KLRG1: variants seen among roughly 807,000 people sequenced by gnomAD.
The protein encoded by KLRG1 is killer cell lectin like receptor G1.
A neutral mutation model predicts 21.8 loss-of-function variants in KLRG1; 16 were observed. The ratio of observed to expected loss-of-function variants is 0.73; its 90% CI spans 0.50 to 1.11. The LOEUF is 1.11. Ranked by LOEUF, KLRG1 falls within the 50% of genes most tolerant of loss-of-function variation. The probability of loss-of-function intolerance (pLI) is 0.00; values close to 1 mark genes in which losing one functional copy is unlikely to be tolerated. For synonymous variants in KLRG1, 69 were observed against 75.9 expected, an observed-to-expected ratio of 0.91 and a Z score of 0.47; for missense variants, 173 against 218.3, an observed-to-expected ratio of 0.79 and a Z score of 1.31.
At chr12:9,079,042 T>C in the KLRG1 span, among the ~76,000 whole-genome samples, 44,159 of 151,782 alleles carry the variant, frequency 0.29, 7,079 homozygotes, top group Admixed American at 0.35. Context: ...AGGATCCATT[T>C]TGGAAACAAG....
the KLRG1 span, among the ~76,000 whole-genome samples, chr12:9,137,699 A>G: frequency 4.6e-5 from 7 of 152,020 alleles, no homozygotes; most frequent in African/African-American, 1.4e-4. Context: ...AATTTCTTTC[A>G]TCAATGTTTT....
At chr12:8,998,625 G>C (rs989836392) in intron 3 of KLRG1, among the ~76,000 whole-genome samples, 9 of 151,172 alleles carry the variant, frequency 6.0e-5, no homozygotes, top group Middle Eastern at 3.2e-3. Context: ...GGAAGTAGAG[G>C]CTGCAGTTAG....
the KLRG1 span, among the ~76,000 whole-genome samples, chr12:9,040,261 C>A: frequency 6.6e-6 from 1 of 152,154 alleles, no homozygotes; most frequent in East Asian, 1.9e-4. Flanking sequence ...TGTCCTCGAA[C>A]AATAGTATAT....
the KLRG1 span, chr12:9,159,994 T>C: frequency 1.9e-6 from 3 of 1,614,030 alleles, no homozygotes; most frequent in Non-Finnish European, 2.5e-6. Context: ...AGGAGCCATC[T>C]TGGTGTTTGT....
chr12:9,199,881 A>G, the KLRG1 span, among the ~76,000 whole-genome samples: 25,358 of 152,166 alleles, frequency 0.17, 2,294 homozygotes, highest in East Asian at 0.27. Flanking sequence ...GAGTTTGGAA[A>G]AAGAAAAGGT....
the KLRG1 span, chr12:9,109,486 T>C: frequency 9.6e-7 from 1 of 1,036,510 alleles, no homozygotes; most frequent in South Asian, 1.4e-5. Flanking sequence ...CTGTAACAGT[T>C]CCCTAATAAT....
At chr12:9,069,873 G>A in the KLRG1 span, 68 of 1,511,486 alleles carry the variant, frequency 4.5e-5, no homozygotes, top group Non-Finnish European at 5.9e-5. Flanking sequence ...GGGGGATCCA[G>A]AGAAAAAATC....
intron 3 of KLRG1, among the ~76,000 whole-genome samples, chr12:9,000,173 A>G (rs924513749): frequency 1.3e-5 from 2 of 152,190 alleles, no homozygotes; most frequent in African/African-American, 4.8e-5. Flanking sequence ...AATTGAGTAT[A>G]TTGTTTATGA....
the KLRG1 span, among the ~76,000 whole-genome samples, chr12:9,171,512 T>C: frequency 1.3e-5 from 2 of 152,262 alleles, no homozygotes; most frequent in East Asian, 1.9e-4. Context: ...AGGCTAAGAA[T>C]TGACAGAAGT....
At position 9,009,658 on chromosome 12, in the gene KLRG1, A is replaced by G. The variant is rs758740599; in HGVS notation, c.*121A>G. ...TAGCAAATACTGAACTTTCTCAGAT[A>G]TGGCATTAGATGCAAGACAACCTCC... is the stretch of plus-strand genomic sequence containing the variant. On this transcript the variant is annotated 3_prime_UTR_variant, in exon 5 of 5. Coordinates refer to ENST00000356986, the MANE Select transcript of KLRG1 (RefSeq NM_005810.4). 6.9e-7 allele frequency: 1 copy of G among 1,451,480 alleles called. No homozygotes were observed. The highest frequency in any genetic ancestry group is 2.5e-5 in the East Asian group (1 of 40,190). 89.9% of individuals were successfully genotyped at this position (1,451,480 alleles called of 1,614,324 possible). A position where few individuals can be genotyped will look rare whatever the true frequency, so the allele number is the denominator to read the frequency against.
At chr12:9,147,217 T>C in the KLRG1 span, among the ~76,000 whole-genome samples, 1 of 152,216 alleles carries the variant, frequency 6.6e-6, no homozygotes, top group Non-Finnish European at 1.5e-5. Context: ...GAGAAGGATC[T>C]ATAGTGCCTA....
chr12:9,005,848 G>T (rs1947456481), intron 3 of KLRG1, among the ~76,000 whole-genome samples: 1 of 152,178 alleles, frequency 6.6e-6, no homozygotes, highest in Admixed American at 6.5e-5. Context: ...GATAGTGTTT[G>T]TACTCCTATG....
At position 9,009,043 on chromosome 12, in the gene KLRG1, G is replaced by A. The variant is rs1331506957; in HGVS notation, c.426G>A (p.Arg142=). ...GTCTGAGGAACAATTCTGGCTGGAG[G>A]TGGGAAGATGGATCACCTCTAAACT... ...WIGLRNNSGW[R]WEDGSPLNFS... Residue 142 remains arginine, a synonymous_variant, in exon 4 of 5, where the codon AGG becomes AGA. Transcript: ENST00000356986. 1.9e-6 allele frequency: 3 copies of A among 1,613,816 alleles called. No individual in the cohort carries two copies. Among genetic ancestry groups the A allele is most frequent in the East Asian group, 4.5e-5 (2 of 44,846 alleles).
At chr12:9,206,306 A>T in the KLRG1 span, among the ~76,000 whole-genome samples, 1 of 151,888 alleles carries the variant, frequency 6.6e-6, no homozygotes, top group Non-Finnish European at 1.5e-5. Context: ...AGCCTAAAAG[A>T]TATCACGATT....
upstream of KLRG1, among the ~76,000 whole-genome samples, chr12:8,989,180 G>A (rs1353177879): frequency 6.6e-6 from 1 of 152,092 alleles, no homozygotes; most frequent in East Asian, 1.9e-4. Context: ...AGTCCATTTC[G>A]TTATTGCTTA....
At chr12:9,167,896 A>T in the KLRG1 span, among the ~76,000 whole-genome samples, 3 of 152,040 alleles carry the variant, frequency 2.0e-5, no homozygotes, top group African/African-American at 7.2e-5. Context: ...TATTCTCGTT[A>T]TTTATATAAC....
the KLRG1 span, chr12:9,090,112 A>G: frequency 6.5e-7 from 1 of 1,529,202 alleles, no homozygotes; most frequent in Non-Finnish European, 8.8e-7. Flanking sequence ...AATGCTCTGT[A>G]AACTTTTGTT....
At chr12:9,063,820 T>C in the KLRG1 span, among the ~76,000 whole-genome samples, 17 of 152,212 alleles carry the variant, frequency 1.1e-4, no homozygotes, top group Non-Finnish European at 2.5e-4. Context: ...TATTATAGCA[T>C]GGGATATTGT....
the KLRG1 span, among the ~76,000 whole-genome samples, chr12:9,207,723 A>T: frequency 2.0e-5 from 3 of 152,212 alleles, no homozygotes; most frequent in Admixed American, 2.0e-4. Context: ...AGTTCTCTAG[A>T]CACTATAGAG....
Sources: allele counts gnomAD v4.1 joint callset (sites outside exome capture counted in the v4.1 genomes callset), GRCh38; gene constraint gnomAD v4.1.1; transcripts MANE v1.5; gene names NCBI Gene and HGNC (gene_info 2026-07-23, HGNC 2026-07-21).